SOX5: variants seen among roughly 807,000 people sequenced by gnomAD.
SOX5 encodes the protein SRY-box transcription factor 5, also known as transcription factor SOX-5.
In SOX5, 9 loss-of-function variants were observed where a neutral mutation model predicts 92.0. The observed-to-expected ratio is 0.10, with a 90% CI of 0.06 to 0.17. The LOEUF (loss-of-function observed/expected upper bound fraction) is 0.17, where lower values mean the gene tolerates loss of function less well. Among genes scored for constraint, SOX5 ranks in the 10% least tolerant of loss-of-function variants. The probability of loss-of-function intolerance (pLI) is 1.00; values close to 1 mark genes in which losing one functional copy is unlikely to be tolerated. For missense variants in SOX5, 642 were observed against 944.5 expected, an observed-to-expected ratio of 0.68 and a Z score of 4.20; for synonymous variants, 344 against 336.3, an observed-to-expected ratio of 1.02 and a Z score of -0.25.
chr12:24,143,648 C>G (rs1168740519), intron 4 of SOX5, among the ~76,000 whole-genome samples: 1 of 152,018 alleles, frequency 6.6e-6, no homozygotes, highest in Admixed American at 6.6e-5. Flanking sequence ...ATTAGTGAAA[C>G]TGTAGATACA....
intron 3 of SOX5, among the ~76,000 whole-genome samples, chr12:23,815,776 C>G (rs2095979009): frequency 6.6e-6 from 1 of 152,052 alleles, no homozygotes; most frequent in Admixed American, 6.6e-5. Flanking sequence ...TTAACTTGTT[C>G]AATTAGGAGT....
chr12:24,472,046 G>A (rs190019325), intron 1 of SOX5, among the ~76,000 whole-genome samples: 41 of 152,260 alleles, frequency 2.7e-4, no homozygotes, highest in South Asian at 6.2e-4. Flanking sequence ...CAATGGCAGC[G>A]TTTTTGATCA....
intron 4 of SOX5, among the ~76,000 whole-genome samples, chr12:24,202,086 T>G (rs1443918099): frequency 6.6e-6 from 1 of 152,224 alleles, no homozygotes; most frequent in Admixed American, 6.5e-5. Flanking sequence ...TAGATCATTA[T>G]TTCTATGTTA....
At chr12:24,027,639 T>C (rs1955023911) in intron 4 of SOX5, among the ~76,000 whole-genome samples, 1 of 151,938 alleles carries the variant, frequency 6.6e-6, no homozygotes, top group Non-Finnish European at 1.5e-5. Flanking sequence ...GTTGAAGGTT[T>C]ATTCAAGTGG....
chr12:23,956,883 C>T (rs537752684), intron 4 of SOX5, among the ~76,000 whole-genome samples: 41 of 152,192 alleles, frequency 2.7e-4, no homozygotes, highest in African/African-American at 7.7e-4. Context: ...AGGCTGATCT[C>T]GAACTCCTGA....
intron 2 of SOX5, among the ~76,000 whole-genome samples, chr12:23,853,955 ATGTAT>A (rs2096660805): frequency 6.6e-6 from 1 of 152,148 alleles, no homozygotes; most frequent in African/African-American, 2.4e-5. Context: ...TAAATTTAAC[ATGTAT>A]TGTAACTAGC....
intron 1 of SOX5, among the ~76,000 whole-genome samples, chr12:24,404,555 G>T (rs1224729226): frequency 2.6e-5 from 4 of 152,130 alleles, no homozygotes; most frequent in Non-Finnish European, 5.9e-5. Context: ...TCCTAGATGG[G>T]TCCATACTTC....
At chr12:24,449,834 A>T (rs1038484503) in intron 1 of SOX5, among the ~76,000 whole-genome samples, 1 of 152,136 alleles carries the variant, frequency 6.6e-6, no homozygotes, top group Non-Finnish European at 1.5e-5. Flanking sequence ...ACATTGCCCA[A>T]ATTGACTCTT....
intron 4 of SOX5, among the ~76,000 whole-genome samples, chr12:24,111,931 T>C (rs1947397588): frequency 6.6e-6 from 1 of 152,192 alleles, no homozygotes; most frequent in Non-Finnish European, 1.5e-5. Flanking sequence ...CTCTATTCCA[T>C]CTAGTTTTTG....
At chr12:23,879,609 A>G (rs1370822644) in intron 2 of SOX5, among the ~76,000 whole-genome samples, 2 of 152,218 alleles carry the variant, frequency 1.3e-5, no homozygotes, top group Non-Finnish European at 2.9e-5. Context: ...CCAATCTTAA[A>G]TTAATGTATG....
intron 3 of SOX5, among the ~76,000 whole-genome samples, chr12:23,785,114 A>C (rs2095355541): frequency 6.6e-6 from 1 of 152,184 alleles, no homozygotes; most frequent in Admixed American, 6.5e-5. Flanking sequence ...CTATTTAATC[A>C]ACACTTTGCG....
intron 4 of SOX5, among the ~76,000 whole-genome samples, chr12:24,086,766 TCTTTA>T (rs781181609): frequency 1.8e-4 from 27 of 152,040 alleles, no homozygotes; most frequent in Non-Finnish European, 7.4e-5. Flanking sequence ...CTATTTTCTT[TCTTTA>T]CATTAGTCGT....
intron 4 of SOX5, among the ~76,000 whole-genome samples, chr12:24,166,120 G>A (rs1016328460): frequency 3.3e-5 from 5 of 152,062 alleles, no homozygotes; most frequent in African/African-American, 9.7e-5. Flanking sequence ...GAAAGAATAC[G>A]ATGACACTGG....
At chr12:23,756,147 T>C (rs1210680872) in intron 3 of SOX5, among the ~76,000 whole-genome samples, 1 of 151,816 alleles carries the variant, frequency 6.6e-6, no homozygotes, top group African/African-American at 2.4e-5. Flanking sequence ...TCCCTCTGTG[T>C]GTTTACAATT....
intron 4 of SOX5, among the ~76,000 whole-genome samples, chr12:24,212,155 T>C (rs1360340380): frequency 1.3e-5 from 2 of 152,240 alleles, no homozygotes; most frequent in Non-Finnish European, 2.9e-5. Flanking sequence ...GTTAAGCATA[T>C]GCATTGCATG....
intron 4 of SOX5, among the ~76,000 whole-genome samples, chr12:24,212,101 T>C (rs568819159): frequency 1.8e-4 from 27 of 152,332 alleles, no homozygotes; most frequent in African/African-American, 6.3e-4. Flanking sequence ...TCATTTTAAA[T>C]ACAGCTTTTT....
intron 1 of SOX5, among the ~76,000 whole-genome samples, chr12:24,406,058 A>G (rs1366331771): frequency 2.6e-5 from 4 of 152,096 alleles, no homozygotes; most frequent in African/African-American, 9.7e-5. Context: ...GAAAATCCAG[A>G]GGACAAGAGA....
At chr12:23,658,877 A>C (rs1008773241) in intron 7 of SOX5, among the ~76,000 whole-genome samples, 3 of 152,250 alleles carry the variant, frequency 2.0e-5, no homozygotes, top group African/African-American at 7.2e-5. Flanking sequence ...TGGGCAACAG[A>C]GCGAGACTCC....
intron 4 of SOX5, among the ~76,000 whole-genome samples, chr12:23,978,333 T>C (rs1180151104): frequency 1.3e-5 from 2 of 152,266 alleles, no homozygotes; most frequent in Admixed American, 1.3e-4. Flanking sequence ...AGTAAACCAA[T>C]AAAACATATC....
Sources: allele counts gnomAD v4.1 joint callset (sites outside exome capture counted in the v4.1 genomes callset), GRCh38; gene constraint gnomAD v4.1.1; transcripts MANE v1.5; gene names NCBI Gene and HGNC (gene_info 2026-07-23, HGNC 2026-07-21).